Variants in TRA2A observed in about 807,000 individuals in gnomAD.
TRA2A encodes transformer-2 protein homolog alpha.
TRA2A carries 31 observed loss-of-function variants against 45.7 expected under a neutral mutation model. The observed-to-expected ratio is 0.68, with a 90% confidence interval of 0.51 to 0.92. The LOEUF is 0.92. Ranked by LOEUF, TRA2A falls within the 40% of genes least tolerant of loss-of-function variation. TRA2A has a pLI of 0.00. For synonymous variants in TRA2A, 132 were observed against 126.2 expected (o/e 1.05, Z -0.31); for missense variants, 304 against 367.5 (o/e 0.83, Z 1.41).
At chr7:23,506,347 A>G in intron 5 of TRA2A, 81 bp from the exon 6 acceptor site, 1 of 1,385,584 alleles carries the variant, frequency 7.2e-7, no homozygotes. Flanking sequence ...ATGGCTTAAA[A>G]AAGAGAAAAG....
intron 2 of TRA2A, among the ~76,000 whole-genome samples, chr7:23,520,170 C>T (rs1198915139): frequency 6.6e-6 from 1 of 152,290 alleles, no homozygotes; most frequent in African/African-American, 2.4e-5. Context: ...GAGCCAAGAT[C>T]GTGCCACTGC....
intron 3 of TRA2A, among the ~76,000 whole-genome samples, chr7:23,513,447 A>C (rs1254871248): frequency 6.6e-6 from 1 of 152,082 alleles, no homozygotes; most frequent in Non-Finnish European, 1.5e-5. Context: ...GTGAAACCCC[A>C]TCTCTACTAA....
At chr7:23,524,669 A>G (rs1584141584) in intron 1 of TRA2A, among the ~76,000 whole-genome samples, 1 of 148,486 alleles carries the variant, frequency 6.7e-6, no homozygotes, top group East Asian at 2.0e-4. Flanking sequence ...TCCTAGCTAC[A>G]AAGTTGTCAC....
chr7:23,512,462 C>T (rs1470681249), intron 4 of TRA2A, among the ~76,000 whole-genome samples: 1 of 152,064 alleles, frequency 6.6e-6, no homozygotes, highest in Non-Finnish European at 1.5e-5. Flanking sequence ...CAGCAAGATC[C>T]TATCTTTTTT....
In TRA2A at chr7:23,512,930, A is replaced by T. The variant is rs1431336056; in HGVS notation, c.489T>A (p.Ala163=). 2 of 1,613,608 alleles carry T rather than the reference A, an allele frequency of 1.2e-6. No individual in the cohort carries two copies. The highest frequency in any genetic ancestry group is 1.7e-6 in the Non-Finnish European group (2 of 1,179,890). The change falls in exon 4 of 8, where the codon GCT becomes GCA. Residue 163 remains alanine (A), a synonymous_variant. Transcript: ENST00000297071. ...CATCTATTCTCTCAAAATACACAAA[A>T]GCAAATCCTCGAGATCGCCCAGTTC... is the stretch of plus-strand genomic sequence containing the variant. ...DQRTGRSRGF[A]FVYFERIDDS...
In TRA2A at chr7:23,516,360, T is replaced by G. The variant is rs771198938; in HGVS notation, c.336+3A>C. On this transcript the variant is annotated splice_donor_region_variant and intron_variant, in intron 3 of 7. Transcript: ENST00000297071. ...TCTTCATTAACTTTTATAAACCACG[T>G]ACCCTGCTGCCAGTATGTCTTCTCC... 6.2e-7 allele frequency: 1 copy of G among 1,614,014 alleles called. No homozygotes were observed. Among genetic ancestry groups the G allele is most frequent in the African/African-American group, 1.3e-5 (1 of 74,938 alleles).
At position 23,517,477 on chromosome 7, in the gene TRA2A, CAAAAAAAAAAAAAAA is replaced by C. The variant is rs70954385; in HGVS notation, c.171-964_171-950del. 5.7e-4 allele frequency among the ~76,000 whole-genome samples: 8 copies of C among 13,940 alleles called. 2 individuals carry two copies. Among genetic ancestry groups the C allele is most frequent in the African/African-American group, 8.6e-4 (5 of 5,838 alleles). The allele number at this position is 13,940 out of a possible 152,430, so 9.1% of individuals were successfully genotyped here. A position where few individuals can be genotyped will look rare whatever the true frequency, so the allele number is the denominator to read the frequency against. On this transcript the variant is annotated intron_variant, in intron 2 of 7. Transcript: ENST00000297071. ...TGGGCGACAGAGCAAGACTACGTCT[CAAAAAAAAAAAAAAA>C]AAAAAAAAAAAAGAGAGAAAGAAAG...
chr7:23,508,199 A>C (rs1191953317), intron 4 of TRA2A, among the ~76,000 whole-genome samples: 1 of 151,712 alleles, frequency 6.6e-6, no homozygotes, highest in African/African-American at 2.4e-5. Context: ...AAGTATAATA[A>C]ACTAATAAAA....
chr7:23,513,224 T>C lies in TRA2A; in HGVS notation c.337-142A>G, dbSNP rs531484538. 79 of 641,434 alleles carry C rather than the reference T, an allele frequency of 1.2e-4. 1 individual carries two copies. In the South Asian group the frequency reaches 1.8e-3, roughly 15 times the overall value. 39.7% of individuals were successfully genotyped at this position (641,434 alleles called of 1,614,324 possible). On this transcript the variant is annotated intron_variant, in intron 3 of 7. Coordinates refer to ENST00000297071, the MANE Select transcript of TRA2A (RefSeq NM_013293.5). ...TTTGGAGATAAGATTTTAAGAGAAC[T>C]AGAGCAGATGAGCCATATTTTACAA...
In TRA2A at chr7:23,505,067, T is replaced by TA. The variant is rs956782763; in HGVS notation, c.*491dup. 16 of 151,440 alleles carry TA rather than the reference T, an allele frequency of 1.1e-4. No homozygotes were observed. Among genetic ancestry groups the TA allele is most frequent in the East Asian group, 5.8e-4 (3 of 5,174 alleles). 9.4% of individuals were successfully genotyped at this position (151,440 alleles called of 1,614,324 possible). ...CAGGAGTTCACAAGCTTTTCATCTC[T>TA]AAAAAAAAACTTTCAACTACCTGAC... is the stretch of plus-strand genomic sequence containing the variant. On this transcript the variant is annotated 3_prime_UTR_variant, in exon 8 of 8. Coordinates refer to ENST00000297071, the MANE Select transcript of TRA2A (RefSeq NM_013293.5).
At chr7:23,526,884 TATC>T (rs1385163203) in intron 1 of TRA2A, among the ~76,000 whole-genome samples, 1 of 152,218 alleles carries the variant, frequency 6.6e-6, no homozygotes, top group Non-Finnish European at 1.5e-5. Flanking sequence ...TTAGAAGTCT[TATC>T]ATAAATACAT....
At chr7:23,506,865 T>A (rs1362325963) in intron 5 of TRA2A, among the ~76,000 whole-genome samples, 1 of 152,172 alleles carries the variant, frequency 6.6e-6, no homozygotes, top group Non-Finnish European at 1.5e-5. Flanking sequence ...AAGCCCTGCC[T>A]CCGGGGTTCA....
chr7:23,522,009 A>T, intron 1 of TRA2A, 169 bp from the exon 2 acceptor site: 1 of 1,405,240 alleles, frequency 7.1e-7, no homozygotes, highest in Non-Finnish European at 9.3e-7. Context: ...AATACTGCTA[A>T]CTGTCCTCAA....
Position 23,512,757 on chromosome 7 carries a change from C to T in TRA2A, c.525+137G>A, listed in dbSNP as rs1262178807. On this transcript the variant is annotated intron_variant, in intron 4 of 7. Transcript: ENST00000297071. The stretch of plus-strand genomic sequence containing the variant: ...ACAGACATGAGCCACCGCGCCTGGA[C>T]GCAAGATCCTATCTTTAAAAAAAAA... 5 of 741,164 alleles carry T rather than the reference C, an allele frequency of 6.7e-6. No individual in the cohort carries two copies. In the South Asian group the frequency reaches 7.1e-5, roughly 10 times the overall value. 45.9% of individuals were successfully genotyped at this position (741,164 alleles called of 1,614,324 possible).
intron 1 of TRA2A, among the ~76,000 whole-genome samples, chr7:23,523,520 C>G (rs185967977): frequency 4.1e-4 from 62 of 152,316 alleles, no homozygotes; most frequent in African/African-American, 1.5e-3. Flanking sequence ...ACAACTCAAA[C>G]AGCTTTCTGA....
In TRA2A at chr7:23,531,845, A is replaced by G; in HGVS notation, c.-21T>C. ...CTCATGTCGACGAGGCGCTCCCCAG[A>G]ACTAAATAAGAGACAAGTCTCGGCT... is the stretch of plus-strand genomic sequence containing the variant. On this transcript the variant is annotated 5_prime_UTR_variant, in exon 1 of 8. Coordinates refer to ENST00000297071, the MANE Select transcript of TRA2A (RefSeq NM_013293.5). 5.0e-6 allele frequency: 8 copies of G among 1,613,598 alleles called. No homozygotes were observed. The highest frequency in any genetic ancestry group is 6.8e-6 in the Non-Finnish European group (8 of 1,180,004).
intron 1 of TRA2A, among the ~76,000 whole-genome samples, chr7:23,524,181 T>C (rs944333715): frequency 1.3e-5 from 2 of 152,118 alleles, no homozygotes; most frequent in African/African-American, 4.8e-5. Flanking sequence ...TTTTAAGAGA[T>C]GTTAGCTTAT....
intron 1 of TRA2A, among the ~76,000 whole-genome samples, chr7:23,528,209 GTTTT>G (rs558143307): frequency 1.8e-3 from 279 of 151,546 alleles, no homozygotes; most frequent in Middle Eastern, 6.8e-3. Context: ...AAAGTTCTGT[GTTTT>G]TTTTTGTTTT....
At chr7:23,505,696 C>T (rs1476366056) in intron 7 of TRA2A, 50 bp downstream of exon 7, 15 of 1,205,276 alleles carry the variant, frequency 1.2e-5, no homozygotes, top group Non-Finnish European at 1.8e-5. Flanking sequence ...TAAAGTAAGC[C>T]ATTAATTAGA....
Sources: gnomAD v4.1 joint callset for allele counts (sites outside exome capture counted in the v4.1 genomes callset) on GRCh38, gnomAD v4.1.1 for gene constraint, MANE v1.5 for transcripts, NCBI Gene and HGNC (gene_info 2026-07-23, HGNC 2026-07-21) for gene names.